PCDH15: variants seen among roughly 807,000 people sequenced by gnomAD.
PCDH15 encodes the protein protocadherin-15.
PCDH15 carries 129 observed loss-of-function variants against 178.5 expected under a neutral mutation model. That is an observed-to-expected ratio of 0.72 (90% CI 0.63 to 0.84). The LOEUF (loss-of-function observed/expected upper bound fraction) is 0.84, where lower values mean the gene tolerates loss of function less well. Ranked by LOEUF, PCDH15 falls within the 40% of genes least tolerant of loss-of-function variation. PCDH15 has a pLI of 0.00. For missense variants in PCDH15, 2,230 were observed against 2,099.9 expected (o/e 1.06, Z -1.21); for synonymous variants, 800 against 732.0 (o/e 1.09, Z -1.50).
intron 2 of PCDH15, among the ~76,000 whole-genome samples, chr10:55,159,361 CTATCTATCTATATA>C (rs1564848866): frequency 4.9e-4 from 1 of 2,048 alleles, no homozygotes; most frequent in African/African-American, 7.0e-4. Flanking sequence ...ATCTATCTAT[CTATCTATCTATATA>C]TATATATATA....
intron 8 of PCDH15, among the ~76,000 whole-genome samples, chr10:54,259,176 G>A (rs2057135833): frequency 6.6e-6 from 1 of 152,188 alleles, no homozygotes; most frequent in Non-Finnish European, 1.5e-5. Flanking sequence ...GTAATAAATT[G>A]CATGGCATTT....
rs1363643111 is a variant in PCDH15, at chr10:54,396,134, T to C, written c.158-17192A>G. 2.6e-5 allele frequency among the ~76,000 whole-genome samples: 4 copies of C among 152,182 alleles called. No homozygotes were observed. In the East Asian group the frequency reaches 7.7e-4, roughly 29 times the overall value. ...ACCGGGGAGGACAAATGTTATCCAC[T>C]GAAGAGAACTTTAGACTGTTATGGG... On this transcript the variant is annotated intron_variant, in intron 3 of 37. Coordinates refer to ENST00000644397, the MANE Select transcript of PCDH15 (RefSeq NM_001384140.1).
chr10:54,515,994 C>T lies in PCDH15; in HGVS notation c.157+11818G>A, dbSNP rs1248722590. ...AGGACATCCACACCAAAAATCCATC[C>T]GTACATCACCATCATCAAAGACCAA... On this transcript the variant is annotated intron_variant, in intron 3 of 37. Coordinates refer to ENST00000644397, the MANE Select transcript of PCDH15 (RefSeq NM_001384140.1). Among the ~76,000 whole-genome samples, 10 of 152,248 alleles carry T rather than the reference C, an allele frequency of 6.6e-5. No homozygotes were observed. In the East Asian group the frequency reaches 1.4e-3, roughly 21 times the overall value.
intron 2 of PCDH15, among the ~76,000 whole-genome samples, chr10:54,992,399 A>G (rs1839523444): frequency 6.6e-6 from 1 of 152,184 alleles, no homozygotes; most frequent in Non-Finnish European, 1.5e-5. Context: ...TAAAGTTTTC[A>G]GGACAGAAAA....
At chr10:55,224,470 T>C (rs992234929) in intron 1 of PCDH15, among the ~76,000 whole-genome samples, 3 of 152,020 alleles carry the variant, frequency 2.0e-5, no homozygotes, top group African/African-American at 7.3e-5. Flanking sequence ...TCAGCCACAA[T>C]GTGAAGAAAT....
At chr10:54,935,824 A>G (rs1356131318) in intron 2 of PCDH15, among the ~76,000 whole-genome samples, 1 of 152,054 alleles carries the variant, frequency 6.6e-6, no homozygotes, top group African/African-American at 2.4e-5. Flanking sequence ...CTTAAATTCC[A>G]TAACTGTGAG....
rs550110040 is a variant in PCDH15, at chr10:54,502,111, G to A, written c.157+25701C>T. Among the ~76,000 whole-genome samples the A allele has an allele frequency of 7.9e-5, 12 of 151,760 alleles. No individual in the cohort carries two copies. In the South Asian group the frequency reaches 2.1e-3, roughly 26 times the overall value. On this transcript the variant is annotated intron_variant, in intron 3 of 37. Transcript: ENST00000644397. ...ACCACTCCCTTCTTCTGGCTAACAA[G>A]TGTGGAATGAGAATGCTTAAATTCA...
chr10:55,175,335 G>A (rs1490902562), intron 1 of PCDH15, among the ~76,000 whole-genome samples: 1 of 152,096 alleles, frequency 6.6e-6, no homozygotes, highest in Admixed American at 6.6e-5. Flanking sequence ...TTCAATCAAG[G>A]TACAACTAAT....
intron 2 of PCDH15, among the ~76,000 whole-genome samples, chr10:55,605,296 C>T (rs1589175898): frequency 1.3e-5 from 2 of 152,292 alleles, no homozygotes; most frequent in East Asian, 3.9e-4. Flanking sequence ...GATGGATTCA[C>T]AGTCGAATTC....
intron 1 of PCDH15, among the ~76,000 whole-genome samples, chr10:55,210,177 T>C (rs563432768): frequency 6.6e-6 from 1 of 152,100 alleles, no homozygotes; most frequent in African/African-American, 2.4e-5. Flanking sequence ...TGAATGTAAT[T>C]ACTAATCCAA....
chr10:54,222,746 G>A (rs1024682832), intron 9 of PCDH15, among the ~76,000 whole-genome samples: 1 of 152,118 alleles, frequency 6.6e-6, no homozygotes, highest in Admixed American at 6.5e-5. Context: ...ATGACATTGA[G>A]CAACTTTTCA....
chr10:54,061,360 A>G (rs2094009176), intron 18 of PCDH15, among the ~76,000 whole-genome samples: 1 of 152,094 alleles, frequency 6.6e-6, no homozygotes, highest in African/African-American at 2.4e-5. Flanking sequence ...ATCATTCACT[A>G]TTTCATTAGG....
intron 28 of PCDH15, among the ~76,000 whole-genome samples, chr10:53,851,654 C>T (rs1270220363): frequency 7.7e-6 from 1 of 129,618 alleles, no homozygotes; most frequent in East Asian, 2.1e-4. Context: ...GAGAGACCTT[C>T]TAATTATCCT....
chr10:54,752,517 C>CAAAAAAAA (rs1183153628), intron 1 of PCDH15, among the ~76,000 whole-genome samples: 9 of 85,628 alleles, frequency 1.1e-4, no homozygotes, highest in Non-Finnish European at 2.2e-4. Flanking sequence ...AAAAAACAAA[C>CAAAAAAAA]AAACAAACAA....
chr10:54,535,524 C>A (rs985483106), intron 2 of PCDH15, among the ~76,000 whole-genome samples: 6 of 151,926 alleles, frequency 3.9e-5, no homozygotes, highest in Middle Eastern at 3.4e-3. Context: ...TCCTGGCTAA[C>A]ATGGTGAAAC....
chr10:54,032,925 C>A (rs776500816), intron 18 of PCDH15, among the ~76,000 whole-genome samples: 1 of 151,834 alleles, frequency 6.6e-6, no homozygotes. Context: ...AAGGAACTCC[C>A]AATCACTTAT....
intron 3 of PCDH15, among the ~76,000 whole-genome samples, chr10:54,447,178 A>G (rs924864949): frequency 2.0e-5 from 3 of 151,628 alleles, no homozygotes; most frequent in African/African-American, 4.8e-5. Context: ...CATCTGGTAC[A>G]TGAGCCTGAA....
In PCDH15 at chr10:54,344,979, T is replaced by TTA. The variant is rs1554915309; in HGVS notation, c.594+1384_594+1385dup. Among the ~76,000 whole-genome samples, 152 of 142,592 alleles carry TTA rather than the reference T, an allele frequency of 1.1e-3. 1 individual carries two copies. The highest frequency in any genetic ancestry group is 7.2e-3 in the Middle Eastern group (2 of 276). 93.5% of individuals were successfully genotyped at this position (142,592 alleles called of 152,430 possible). ...TGCTAATAAAATGTATATATATATA[T>TTA]TATATATATATACTTATTTTCCAAA... On this transcript the variant is annotated intron_variant, in intron 6 of 37. Transcript: ENST00000644397.
chr10:53,840,509 C>A lies in PCDH15; in HGVS notation c.3807-13G>T, dbSNP rs1466621455. On this transcript the variant is annotated splice_polypyrimidine_tract_variant and intron_variant, in intron 28 of 37. Coordinates refer to ENST00000644397, the MANE Select transcript of PCDH15 (RefSeq NM_001384140.1). Reference sequence around the variant, plus strand: ...GCGATCCAAGATCCTATAAATCAAACAAAGTACAAACATGACAGTCCAATG... The same window carrying A: ...GCGATCCAAGATCCTATAAATCAAAAAAAGTACAAACATGACAGTCCAATG... The A allele has an allele frequency of 6.2e-7, 1 of 1,611,352 alleles. No homozygotes were observed.
Sources: allele counts gnomAD v4.1 joint callset (sites outside exome capture counted in the v4.1 genomes callset), GRCh38; gene constraint gnomAD v4.1.1; transcripts MANE v1.5; gene names NCBI Gene and HGNC (gene_info 2026-07-23, HGNC 2026-07-21).